ELMO1: variants seen among roughly 807,000 people sequenced by gnomAD.
The protein encoded by ELMO1 is engulfment and cell motility protein 1.
Under a neutral mutation model 98.9 loss-of-function variants are expected in ELMO1, and 26 were observed. The ratio of observed to expected loss-of-function variants is 0.26; its 90% CI spans 0.19 to 0.36. The LOEUF is 0.36. Among genes scored for constraint, ELMO1 ranks in the 10% least tolerant of loss-of-function variants. The pLI, the probability that ELMO1 is intolerant of heterozygous loss-of-function variation, is 1.00. For synonymous variants in ELMO1, 346 were observed against 346.0 expected (o/e 1.00, Z 0.00); for missense variants, 627 against 935.2 (o/e 0.67, Z 4.30).
chr7:37,138,393 T>C lies in ELMO1; in HGVS notation c.1087-5159A>G, dbSNP rs143681765. On this transcript the variant is annotated intron_variant, in intron 13 of 21. Transcript: ENST00000310758. ...CAATTGGAAACAAAATGGGAGATAT[T>C]ACAACTGATACTAGAGAAATATAAA... Among the ~76,000 whole-genome samples the C allele has an allele frequency of 1.2e-3, 183 of 151,998 alleles. 4 individuals carry two copies. In the East Asian group the frequency reaches 0.028, roughly 23 times the overall value.
chr7:37,388,833 G>A (rs181344930), intron 1 of ELMO1, among the ~76,000 whole-genome samples: 8 of 152,172 alleles, frequency 5.3e-5, no homozygotes, highest in East Asian at 3.9e-4. Context: ...AAATACCGCC[G>A]TCACCTGACC....
At chr7:37,223,749 C>T (rs1414267223) in intron 9 of ELMO1, among the ~76,000 whole-genome samples, 2 of 152,172 alleles carry the variant, frequency 1.3e-5, no homozygotes, top group African/African-American at 4.8e-5. Context: ...TCTGAGGCCA[C>T]AATCACGGAG....
At chr7:37,351,734 G>C (rs908176960) in intron 1 of ELMO1, among the ~76,000 whole-genome samples, 1 of 152,118 alleles carries the variant, frequency 6.6e-6, no homozygotes, top group African/African-American at 2.4e-5. Context: ...AACCATATCT[G>C]TTTACTGCCC....
intron 10 of ELMO1, among the ~76,000 whole-genome samples, chr7:37,220,502 A>G (rs1793531879): frequency 6.6e-6 from 1 of 152,208 alleles, no homozygotes; most frequent in Admixed American, 6.5e-5. Context: ...TATATAGCCA[A>G]ACTGTCTCCT....
At position 37,213,437 on chromosome 7, in the gene ELMO1, C is replaced by T. The variant is rs1300011321; in HGVS notation, c.852G>A (p.Arg284=). 1 of 1,611,902 alleles carries T rather than the reference C, an allele frequency of 6.2e-7. No homozygotes were observed. Among genetic ancestry groups the T allele is most frequent in the Admixed American group, 1.7e-5 (1 of 59,960 alleles). ...GGTGCGCCATCTCATTGTTGATGGC[C>T]CGCTGGGCTCGGATGACATGCTAGG... ...IILTHVIRAQ[R]AINNEMAHQL... The change falls in exon 12 of 22, where the codon CGG becomes CGA. Residue 284 remains arginine, a synonymous_variant. Transcript: ENST00000310758.
intron 13 of ELMO1, among the ~76,000 whole-genome samples, chr7:37,168,387 G>C (rs1049591397): frequency 1.3e-5 from 2 of 152,222 alleles, no homozygotes; most frequent in Admixed American, 6.5e-5. Flanking sequence ...GAGGAACTGT[G>C]TTCCTTTGGA....
At chr7:37,101,525 C>T (rs1186014102) in intron 14 of ELMO1, among the ~76,000 whole-genome samples, 3 of 152,036 alleles carry the variant, frequency 2.0e-5, no homozygotes, top group Non-Finnish European at 1.5e-5. Flanking sequence ...AGAAGCAGAA[C>T]AGGCAAAAAG....
chr7:37,376,991 A>G (rs1158584800), intron 1 of ELMO1, among the ~76,000 whole-genome samples: 3 of 152,212 alleles, frequency 2.0e-5, no homozygotes, highest in Admixed American at 6.5e-5. Flanking sequence ...TAAGTTGAAA[A>G]GATCATAAGT....
At chr7:37,085,325 CTGTTT>C (rs1337199721) in intron 15 of ELMO1, among the ~76,000 whole-genome samples, 2 of 152,180 alleles carry the variant, frequency 1.3e-5, no homozygotes, top group Admixed American at 1.3e-4. Context: ...GGGTATGCTT[CTGTTT>C]TGTTTTTTTA....
chr7:37,304,665 G>A (rs749399748), intron 4 of ELMO1, among the ~76,000 whole-genome samples: 21 of 152,138 alleles, frequency 1.4e-4, no homozygotes, highest in African/African-American at 4.6e-4. Context: ...GCAGTGAGCC[G>A]AGATTGCGCC....
At chr7:36,987,636 T>G (rs144071213) in intron 16 of ELMO1, among the ~76,000 whole-genome samples, 27 of 152,324 alleles carry the variant, frequency 1.8e-4, no homozygotes, top group African/African-American at 4.1e-4. Context: ...TTCTGATTCT[T>G]GAAGCCAAGC....
At chr7:37,327,667 G>A (rs1014047288) in intron 2 of ELMO1, among the ~76,000 whole-genome samples, 5 of 152,082 alleles carry the variant, frequency 3.3e-5, no homozygotes, top group African/African-American at 1.2e-4. Context: ...GCGTGCTTTT[G>A]AGTGGATGTA....
intron 15 of ELMO1, among the ~76,000 whole-genome samples, chr7:37,037,057 T>C (rs1271834613): frequency 6.6e-6 from 1 of 151,986 alleles, no homozygotes; most frequent in East Asian, 1.9e-4. Context: ...TACCATGGGG[T>C]TACTACAGAA....
intron 16 of ELMO1, among the ~76,000 whole-genome samples, chr7:36,975,222 C>A (rs996816010): frequency 6.6e-6 from 1 of 152,206 alleles, no homozygotes; most frequent in African/African-American, 2.4e-5. Flanking sequence ...GTAATCCCAG[C>A]ACTTTGGGAG....
Position 37,440,813 on chromosome 7 carries a change from G to T in ELMO1, c.-74+7862C>A, listed in dbSNP as rs147859868. On this transcript the variant is annotated intron_variant, in intron 1 of 21. Transcript: ENST00000310758. ...GGAAACTGTGGGGTGGGGAGAGTTG[G>T]AGGGGTGGACGGGAGTCAAATAAAA... Among the ~76,000 whole-genome samples, 80 of 151,558 alleles carry T rather than the reference G, an allele frequency of 5.3e-4. 1 individual carries two copies. The highest frequency in any genetic ancestry group is 1.9e-3 in the African/African-American group (78 of 41,278).
At chr7:37,289,225 C>T (rs1052568684) in intron 4 of ELMO1, among the ~76,000 whole-genome samples, 2 of 152,212 alleles carry the variant, frequency 1.3e-5, no homozygotes, top group Admixed American at 6.5e-5. Flanking sequence ...CTAAAGCTCA[C>T]TGGTAACAAC....
Position 37,092,366 on chromosome 7 carries a change from C to CTTTTTTTTTTT in ELMO1, c.1300+4242_1300+4252dup, listed in dbSNP as rs537388417. Among the ~76,000 whole-genome samples, 182 of 68,908 alleles carry CTTTTTTTTTTT rather than the reference C, an allele frequency of 2.6e-3. 17 individuals are homozygous for CTTTTTTTTTTT. The highest frequency in any genetic ancestry group is 4.0e-3 in the Non-Finnish European group (129 of 32,034). 45.2% of individuals were successfully genotyped at this position (68,908 alleles called of 152,430 possible). A position where few individuals can be genotyped will look rare whatever the true frequency, so the allele number is the denominator to read the frequency against. ...ACTTGCAAAAAAAATTACCCATATT[C>CTTTTTTTTTTT]TTTTTTTTTTTTTTTTTTTTTTTTT... On this transcript the variant is annotated intron_variant, in intron 15 of 21. Transcript: ENST00000310758.
At chr7:36,877,882 C>A (rs1804098318) in intron 19 of ELMO1, 128 bp downstream of exon 19, 2 of 688,520 alleles carry the variant, frequency 2.9e-6, no homozygotes, top group Non-Finnish European at 2.5e-6. Flanking sequence ...GCTCAGGCGA[C>A]GACTTACAAC....
chr7:36,931,867 G>T (rs531058539), intron 16 of ELMO1, among the ~76,000 whole-genome samples: 7 of 152,182 alleles, frequency 4.6e-5, no homozygotes, highest in African/African-American at 1.7e-4. Flanking sequence ...ATAACCATCT[G>T]TGTGTGTTAA....
Sources: gnomAD v4.1 joint callset for allele counts (sites outside exome capture counted in the v4.1 genomes callset) on GRCh38, gnomAD v4.1.1 for gene constraint, MANE v1.5 for transcripts, NCBI Gene and HGNC (gene_info 2026-07-23, HGNC 2026-07-21) for gene names.